Variants in STK39 observed in about 807,000 individuals in gnomAD.
STK39 encodes STE20/SPS1-related proline-alanine-rich protein kinase.
Under a neutral mutation model 77.8 loss-of-function variants are expected in STK39, and 20 were observed. The observed-to-expected ratio is 0.26, with a 90% confidence interval of 0.18 to 0.37. The LOEUF (loss-of-function observed/expected upper bound fraction) is 0.37. STK39 is among the 10% of genes least tolerant of loss of function. STK39 has a pLI of 1.00. For missense variants in STK39, 479 were observed against 656.5 expected (o/e 0.73, Z 2.95); for synonymous variants, 246 against 234.1 (o/e 1.05, Z -0.47).
intron 1 of STK39, among the ~76,000 whole-genome samples, chr2:168,220,911 A>G (rs1210174900): frequency 1.3e-5 from 2 of 152,086 alleles, no homozygotes; most frequent in African/African-American, 4.8e-5. Flanking sequence ...TTCATTTAGT[A>G]TTTTTCCAGT....
At chr2:168,157,924 A>T (rs1688475936) in intron 5 of STK39, among the ~76,000 whole-genome samples, 2 of 151,984 alleles carry the variant, frequency 1.3e-5, no homozygotes, top group Non-Finnish European at 2.9e-5. Context: ...AGTAGCCACT[A>T]TTTTTTTTAA....
chr2:168,138,644 G>GT (rs1470033330), intron 7 of STK39, among the ~76,000 whole-genome samples: 11 of 152,286 alleles, frequency 7.2e-5, no homozygotes, highest in African/African-American at 2.6e-4. Context: ...CAAGGCTTCT[G>GT]TAACACATTA....
At chr2:168,056,791 T>C (rs1040818275) in intron 14 of STK39, among the ~76,000 whole-genome samples, 6 of 152,186 alleles carry the variant, frequency 3.9e-5, no homozygotes, top group Non-Finnish European at 7.3e-5. Context: ...AAAGAGGGCA[T>C]GGATTTTTAA....
At chr2:168,230,947 G>A (rs1037396747) in intron 1 of STK39, among the ~76,000 whole-genome samples, 1 of 152,026 alleles carries the variant, frequency 6.6e-6, no homozygotes, top group Non-Finnish European at 1.5e-5. Context: ...TTTTCTCCCT[G>A]GCTTCACAGA....
intron 14 of STK39, among the ~76,000 whole-genome samples, chr2:168,042,577 C>CTTTTTTTTTTTTTTTTTTTTTT (rs540413448): frequency 7.5e-6 from 1 of 133,046 alleles, no homozygotes. Flanking sequence ...TTCCTTCCTT[C>CTTTTTTTTTTTTTTTTTTTTTT]TTTTTTTTTT....
chr2:168,160,836 T>C (rs1164571328), intron 5 of STK39, among the ~76,000 whole-genome samples: 1 of 149,308 alleles, frequency 6.7e-6, no homozygotes, highest in African/African-American at 2.5e-5. Flanking sequence ...GCCTATGGGA[T>C]AAGGTCCACT....
At chr2:168,099,641 T>G (rs1686769063) in intron 10 of STK39, among the ~76,000 whole-genome samples, 1 of 152,332 alleles carries the variant, frequency 6.6e-6, no homozygotes, top group East Asian at 1.9e-4. Context: ...ATACACTTCT[T>G]AACACCAGTT....
intron 4 of STK39, among the ~76,000 whole-genome samples, chr2:168,162,757 GT>G (rs1485224642): frequency 6.6e-6 from 1 of 152,178 alleles, no homozygotes; most frequent in Non-Finnish European, 1.5e-5. Flanking sequence ...GCCAGCCACA[GT>G]GGCTCACGCC....
chr2:168,004,024 G>T (rs116490291), intron 16 of STK39, among the ~76,000 whole-genome samples: 1 of 152,174 alleles, frequency 6.6e-6, no homozygotes, highest in Non-Finnish European at 1.5e-5. Context: ...CCTGACTGTA[G>T]CAGAAAGAAC....
At chr2:168,210,296 T>C (rs1689858220) in intron 1 of STK39, among the ~76,000 whole-genome samples, 1 of 152,206 alleles carries the variant, frequency 6.6e-6, no homozygotes, top group African/African-American at 2.4e-5. Flanking sequence ...AGAATTGCAA[T>C]GCAAATATCA....
chr2:168,091,152 A>G (rs901650207), intron 10 of STK39, among the ~76,000 whole-genome samples: 4 of 46,618 alleles, frequency 8.6e-5, no homozygotes, highest in African/African-American at 3.9e-4. Context: ...AAACAGGTGC[A>G]CACACACACA....
intron 1 of STK39, among the ~76,000 whole-genome samples, chr2:168,212,848 G>A (rs1433413495): frequency 6.6e-6 from 1 of 152,148 alleles, no homozygotes; most frequent in African/African-American, 2.4e-5. Flanking sequence ...AGTGTTACTG[G>A]TTTGGTATAT....
At chr2:168,179,254 C>A (rs1460766135) in intron 2 of STK39, among the ~76,000 whole-genome samples, 1 of 152,086 alleles carries the variant, frequency 6.6e-6, no homozygotes, top group Non-Finnish European at 1.5e-5. Context: ...AAAATGTGAG[C>A]CCTCTGAAAT....
chr2:167,955,698 A>T, intron 17 of STK39, 128 bp from the exon 18 acceptor site: 1 of 854,740 alleles, frequency 1.2e-6, no homozygotes, highest in Non-Finnish European at 1.8e-6. Flanking sequence ...CATTTCTTCC[A>T]GAAGAGAGAC....
intron 14 of STK39, among the ~76,000 whole-genome samples, chr2:168,035,314 GAAT>G (rs1684923984): frequency 6.6e-6 from 1 of 152,098 alleles, no homozygotes; most frequent in African/African-American, 2.4e-5. Context: ...TTCAATTTTA[GAAT>G]AATAATTAAA....
chr2:168,020,978 C>A (rs1684555432), intron 14 of STK39, among the ~76,000 whole-genome samples: 1 of 152,054 alleles, frequency 6.6e-6, no homozygotes, highest in African/African-American at 2.4e-5. Flanking sequence ...TGTATATGAG[C>A]AATGATTCAC....
chr2:167,991,799 T>C (rs1295345473), intron 16 of STK39, among the ~76,000 whole-genome samples: 3 of 152,166 alleles, frequency 2.0e-5, no homozygotes, highest in African/African-American at 7.2e-5. Flanking sequence ...CTTTATATCC[T>C]AATGATCTTG....
At chr2:168,073,607 G>T (rs1017678845) in intron 12 of STK39, among the ~76,000 whole-genome samples, 2 of 152,014 alleles carry the variant, frequency 1.3e-5, no homozygotes, top group African/African-American at 4.8e-5. Context: ...TAACAAAGGG[G>T]GATGAGGTCT....
At chr2:168,136,989 T>TA (rs1687857609) in intron 8 of STK39, among the ~76,000 whole-genome samples, 1 of 152,190 alleles carries the variant, frequency 6.6e-6, no homozygotes, top group African/African-American at 2.4e-5. Flanking sequence ...AAGTGATTGA[T>TA]ATGGAAAAGA....
Sources: gnomAD v4.1 joint callset for allele counts (sites outside exome capture counted in the v4.1 genomes callset) on GRCh38, gnomAD v4.1.1 for gene constraint, MANE v1.5 for transcripts, NCBI Gene and HGNC (gene_info 2026-07-23, HGNC 2026-07-21) for gene names.